H2BN1: variants seen among roughly 807,000 people sequenced by gnomAD.
The protein encoded by H2BN1 is histone H2B.N.
chr17:32,906,577 C>T, the H2BN1 span: 2 of 152,170 alleles, frequency 1.3e-5, no homozygotes, highest in Non-Finnish European at 2.9e-5. Context: ...AAGGCATTTT[C>T]TCTTGTGCAT....
At chr17:32,906,208 C>CG in the H2BN1 span, 1 of 152,176 alleles carries the variant, frequency 6.6e-6, no homozygotes, top group African/African-American at 2.4e-5. Flanking sequence ...CTGATTTCAG[C>CG]GGGCGTTCCT....
the H2BN1 span, among the ~76,000 whole-genome samples, chr17:32,900,210 A>G: frequency 2.0e-5 from 3 of 152,236 alleles, no homozygotes; most frequent in African/African-American, 4.8e-5. Context: ...CCAATAACAT[A>G]TTTATATAAA....
At chr17:32,896,536 C>G in the H2BN1 span, among the ~76,000 whole-genome samples, 4 of 152,252 alleles carry the variant, frequency 2.6e-5, 1 homozygote, top group African/African-American at 9.6e-5. Context: ...TTTGAGTGTT[C>G]ACGTGTGTCA....
At chr17:32,901,150 T>C in the H2BN1 span, among the ~76,000 whole-genome samples, 1 of 152,056 alleles carries the variant, frequency 6.6e-6, no homozygotes, top group African/African-American at 2.4e-5. Context: ...GAGGTTGCAC[T>C]GAGCCATTAT....
At chr17:32,898,994 G>T in the H2BN1 span, among the ~76,000 whole-genome samples, 1 of 152,196 alleles carries the variant, frequency 6.6e-6, no homozygotes, top group Non-Finnish European at 1.5e-5. Context: ...ACATTATTTT[G>T]AAGACTTGTA....
the H2BN1 span, among the ~76,000 whole-genome samples, chr17:32,897,460 G>A: frequency 6.6e-6 from 1 of 152,072 alleles, no homozygotes; most frequent in Non-Finnish European, 1.5e-5. Flanking sequence ...TCCAAGTGGA[G>A]CTAGGATTAG....
At chr17:32,897,709 G>A in the H2BN1 span, among the ~76,000 whole-genome samples, 2 of 152,174 alleles carry the variant, frequency 1.3e-5, no homozygotes, top group East Asian at 1.9e-4. Context: ...GCTGTTGAGT[G>A]TCAGCATGGT....
the H2BN1 span, among the ~76,000 whole-genome samples, chr17:32,898,360 C>G: frequency 1.3e-5 from 2 of 152,124 alleles, no homozygotes; most frequent in Non-Finnish European, 2.9e-5. Flanking sequence ...GCTTCCAGGT[C>G]ATAGGTAGAT....
chr17:32,902,815 G>A, the H2BN1 span, among the ~76,000 whole-genome samples: 13 of 150,144 alleles, frequency 8.7e-5, no homozygotes, highest in South Asian at 1.9e-3. Flanking sequence ...ACTCCAGCCT[G>A]GGCGACAGAG....
chr17:32,896,795 A>G, the H2BN1 span, among the ~76,000 whole-genome samples: 22 of 152,182 alleles, frequency 1.4e-4, no homozygotes. Context: ...GCTACATGCC[A>G]GTTGCTCCCT....
chr17:32,896,932 C>A, the H2BN1 span, among the ~76,000 whole-genome samples: 28 of 152,306 alleles, frequency 1.8e-4, no homozygotes, highest in East Asian at 5.4e-3. Flanking sequence ...TATGGGAGTA[C>A]TTGCATTAAG....
At chr17:32,905,410 T>A in the H2BN1 span, among the ~76,000 whole-genome samples, 2 of 152,044 alleles carry the variant, frequency 1.3e-5, no homozygotes, top group Non-Finnish European at 2.9e-5. Context: ...CGACAAGAGA[T>A]TTGTCAAAGG....
At chr17:32,902,772 G>A in the H2BN1 span, among the ~76,000 whole-genome samples, 1 of 152,000 alleles carries the variant, frequency 6.6e-6, no homozygotes, top group Non-Finnish European at 1.5e-5. Flanking sequence ...CCTGGGAGGC[G>A]GAGCTTGCAG....
the H2BN1 span, among the ~76,000 whole-genome samples, chr17:32,904,560 C>A: frequency 6.6e-6 from 1 of 152,120 alleles, no homozygotes; most frequent in African/African-American, 2.4e-5. Flanking sequence ...GAAAAACAGA[C>A]CTTTAGACCT....
the H2BN1 span, among the ~76,000 whole-genome samples, chr17:32,900,607 A>G: frequency 6.6e-6 from 1 of 151,378 alleles, no homozygotes; most frequent in Non-Finnish European, 1.5e-5. Context: ...TTTGAAACGG[A>G]GTCTTGCTCT....
chr17:32,898,703 TA>T, the H2BN1 span, among the ~76,000 whole-genome samples: 2 of 152,166 alleles, frequency 1.3e-5, no homozygotes, highest in African/African-American at 4.8e-5. Flanking sequence ...TCATTTTTAG[TA>T]AGTTGTGAAG....
At chr17:32,900,953 A>C in the H2BN1 span, among the ~76,000 whole-genome samples, 1 of 152,054 alleles carries the variant, frequency 6.6e-6, no homozygotes, top group African/African-American at 2.4e-5. Flanking sequence ...CAAGCCTGTA[A>C]TCCCAGCACT....
the H2BN1 span, among the ~76,000 whole-genome samples, chr17:32,905,976 A>G: frequency 6.6e-6 from 1 of 152,176 alleles, no homozygotes; most frequent in Non-Finnish European, 1.5e-5. Flanking sequence ...TTCCTTTTAC[A>G]GTATAACAGC....
chr17:32,902,112 GAA>G, the H2BN1 span, among the ~76,000 whole-genome samples: 4 of 141,778 alleles, frequency 2.8e-5, no homozygotes, highest in African/African-American at 5.1e-5. Context: ...CTTTCTTACC[GAA>G]AAAAAAAAAA....
Sources: gnomAD v4.1 joint callset for allele counts (sites outside exome capture counted in the v4.1 genomes callset) on GRCh38, gnomAD v4.1.1 for gene constraint, MANE v1.5 for transcripts, NCBI Gene and HGNC (gene_info 2026-07-23, HGNC 2026-07-21) for gene names.